SUMO2: variants seen among roughly 807,000 people sequenced by gnomAD.
SUMO2 encodes the protein small ubiquitin-related modifier 2.
SUMO2 carries 1 observed loss-of-function variant against 16.0 expected under a neutral mutation model. The ratio of observed to expected loss-of-function variants is 0.06; its 90% CI spans 0.02 to 0.30. The LOEUF is 0.30. Ranked by LOEUF, SUMO2 falls within the 10% of genes least tolerant of loss-of-function variation. The probability of loss-of-function intolerance (pLI) is 1.00; values close to 1 mark genes in which losing one functional copy is unlikely to be tolerated. For missense variants in SUMO2, 16 were observed against 117.5 expected (o/e 0.14, Z 3.99); for synonymous variants, 36 against 40.6 (o/e 0.89, Z 0.43).
intron 3 of SUMO2, among the ~76,000 whole-genome samples, chr17:75,168,919 G>C (rs2074713639): frequency 6.6e-6 from 1 of 151,840 alleles, no homozygotes; most frequent in African/African-American, 2.4e-5. Context: ...CTTAGTTTTT[G>C]AGTAAAAAGC....
chr17:75,170,416 A>G (rs2074728072), intron 3 of SUMO2, among the ~76,000 whole-genome samples: 1 of 149,570 alleles, frequency 6.7e-6, no homozygotes, highest in African/African-American at 2.5e-5. Flanking sequence ...CCAAAAATAC[A>G]AAAATTAGCT....
chr17:75,169,863 AGGT>A, intron 3 of SUMO2, among the ~76,000 whole-genome samples: 1 of 75,380 alleles, frequency 1.3e-5, no homozygotes, highest in South Asian at 4.4e-4. Context: ...AAAAAAAAAA[AGGT>A]GGGGGGGGGC....
At chr17:75,173,240 T>G (rs1028702467) in intron 3 of SUMO2, among the ~76,000 whole-genome samples, 1 of 152,050 alleles carries the variant, frequency 6.6e-6, no homozygotes, top group African/African-American at 2.4e-5. Context: ...CATAACTCAC[T>G]GCGGCCTGAA....
chr17:75,171,399 A>T (rs903450457), intron 3 of SUMO2, among the ~76,000 whole-genome samples: 3 of 151,886 alleles, frequency 2.0e-5, no homozygotes, highest in African/African-American at 7.3e-5. Context: ...CTGTAATCCC[A>T]GCTACTCGGG....
In SUMO2 at chr17:75,177,131, G is replaced by A. The variant is rs558545447; in HGVS notation, c.154-2308C>T. Among the ~76,000 whole-genome samples, 4 of 150,214 alleles carry A rather than the reference G, an allele frequency of 2.7e-5. No individual in the cohort carries two copies. In the East Asian group the frequency reaches 7.8e-4, roughly 29 times the overall value. ...GAACCCGGGAGGTGGAGGTTGCAAT[G>A]AGCCGAGATCGTGCCATTGCAAGAG... On this transcript the variant is annotated intron_variant, in intron 2 of 3. Transcript: ENST00000420826.
At position 75,166,037 on chromosome 17, in the gene SUMO2, AAAAC is replaced by A. The variant is rs1460915748; in HGVS notation, c.*2298_*2301del. The A allele has an allele frequency of 1.3e-5, 2 of 152,856 alleles. No individual in the cohort carries two copies. Among genetic ancestry groups the A allele is most frequent in the African/African-American group, 2.4e-5 (1 of 41,448 alleles). The allele number at this position is 152,856 out of a possible 1,614,324, so 9.5% of individuals were successfully genotyped here. A position where few individuals can be genotyped will look rare whatever the true frequency, so the allele number is the denominator to read the frequency against. On this transcript the variant is annotated 3_prime_UTR_variant, in exon 4 of 4. Coordinates refer to ENST00000420826, the MANE Select transcript of SUMO2 (RefSeq NM_006937.4). ...CAAGACTCCGTCTGAAAAAAAAACA[AAAAC>A]AAAAACAAAAACTGTAGTGGTTGGG...
intron 3 of SUMO2, among the ~76,000 whole-genome samples, chr17:75,173,783 G>T (rs2074760651): frequency 6.6e-6 from 1 of 152,146 alleles, no homozygotes; most frequent in African/African-American, 2.4e-5. Context: ...TGGCTCTCAT[G>T]AGCCACCCTG....
chr17:75,173,165 G>C (rs1325334437), intron 3 of SUMO2, among the ~76,000 whole-genome samples: 2 of 152,078 alleles, frequency 1.3e-5, no homozygotes, highest in African/African-American at 4.8e-5. Flanking sequence ...TTCAGAAACT[G>C]TAAGTCTTCT....
chr17:75,171,947 C>G (rs1443636092), intron 3 of SUMO2, among the ~76,000 whole-genome samples: 1 of 151,524 alleles, frequency 6.6e-6, no homozygotes, highest in Non-Finnish European at 1.5e-5. Flanking sequence ...AATGAGGTTC[C>G]TGTACCAGCC....
chr17:75,179,136 G>A (rs2074807013), intron 2 of SUMO2, among the ~76,000 whole-genome samples: 1 of 152,180 alleles, frequency 6.6e-6, no homozygotes, highest in African/African-American at 2.4e-5. Context: ...TCCTGAAGGG[G>A]CACTAGTGTT....
intron 3 of SUMO2, among the ~76,000 whole-genome samples, chr17:75,169,620 T>C (rs565004162): frequency 6.6e-6 from 1 of 152,112 alleles, no homozygotes; most frequent in African/African-American, 2.4e-5. Flanking sequence ...CCTGACCTCA[T>C]GATCCACCCT....
At chr17:75,180,526 A>G (rs2074821301) in intron 2 of SUMO2, among the ~76,000 whole-genome samples, 2 of 151,202 alleles carry the variant, frequency 1.3e-5, no homozygotes, top group South Asian at 4.2e-4. Context: ...CAGCCTAGCC[A>G]ATACGGTGAA....
Position 75,177,988 on chromosome 17 carries a change from C to CAAAAAAAAAAAAA in SUMO2, c.153+3056_153+3068dup, listed in dbSNP as rs59613076. Among the ~76,000 whole-genome samples, 68 of 66,412 alleles carry CAAAAAAAAAAAAA rather than the reference C, an allele frequency of 1.0e-3. 2 individuals carry two copies. The highest frequency in any genetic ancestry group is 4.1e-3 in the African/African-American group (61 of 14,796). 43.6% of individuals were successfully genotyped at this position (66,412 alleles called of 152,430 possible). A position where few individuals can be genotyped will look rare whatever the true frequency, so the allele number is the denominator to read the frequency against. Reference sequence around the variant, plus strand: ...TGACCGACAAAGCGAGACTCCGTCTCAAAAAAAAAAAAAAAAAAAAAAAGA... The same window carrying CAAAAAAAAAAAAA: ...TGACCGACAAAGCGAGACTCCGTCTCAAAAAAAAAAAAAAAAAAAAAAAAAAAAAAAAAAAAGA... On this transcript the variant is annotated intron_variant, in intron 2 of 3. Coordinates refer to ENST00000420826, the MANE Select transcript of SUMO2 (RefSeq NM_006937.4).
intron 3 of SUMO2, among the ~76,000 whole-genome samples, chr17:75,170,473 G>C (rs1322313855): frequency 6.6e-6 from 1 of 152,146 alleles, no homozygotes; most frequent in Non-Finnish European, 1.5e-5. Flanking sequence ...GGGAGGCTGA[G>C]GCAGGAGAAT....
chr17:75,172,310 G>A (rs2074746177), intron 3 of SUMO2, among the ~76,000 whole-genome samples: 2 of 142,906 alleles, frequency 1.4e-5, no homozygotes, highest in South Asian at 4.3e-4. Flanking sequence ...ACAGTCGTGA[G>A]CTACTGTACC....
At chr17:75,179,155 G>A (rs1219578627) in intron 2 of SUMO2, among the ~76,000 whole-genome samples, 1 of 152,150 alleles carries the variant, frequency 6.6e-6, no homozygotes, top group African/African-American at 2.4e-5. Context: ...TTCAAATATA[G>A]AAGATGCCAG....
chr17:75,168,223 G>A lies in SUMO2; in HGVS notation c.*116C>T, dbSNP rs8420. Reference sequence around the variant, plus strand: ...GGGAAGGGGGAAATGAAAGAATAGAGAAAACTATACGGTAGTAGTCAGGAT... The same window carrying A: ...GGGAAGGGGGAAATGAAAGAATAGAAAAAACTATACGGTAGTAGTCAGGAT... On this transcript the variant is annotated 3_prime_UTR_variant, in exon 4 of 4. Coordinates refer to ENST00000420826, the MANE Select transcript of SUMO2 (RefSeq NM_006937.4). The A allele has an allele frequency of 4.1e-6, 3 of 727,568 alleles. No individual in the cohort carries two copies. The highest frequency in any genetic ancestry group is 6.4e-6 in the Non-Finnish European group (3 of 467,898). The allele number at this position is 727,568 out of a possible 1,614,324, so 45.1% of individuals were successfully genotyped here.
At chr17:75,182,541 C>T (rs2074837545) in intron 1 of SUMO2, 3 of 268,744 alleles carry the variant, frequency 1.1e-5, no homozygotes, top group Admixed American at 5.4e-5. Context: ...GCTGGTGGGT[C>T]CGCGGGCGTC....
At chr17:75,180,413 A>AAC (rs1027111848) in intron 2 of SUMO2, among the ~76,000 whole-genome samples, 2 of 141,554 alleles carry the variant, frequency 1.4e-5, no homozygotes, top group Non-Finnish European at 3.2e-5. Flanking sequence ...AAAAAAAAAA[A>AAC]AAAAAAAACG....
Sources: gnomAD v4.1 joint callset for allele counts (sites outside exome capture counted in the v4.1 genomes callset) on GRCh38, gnomAD v4.1.1 for gene constraint, MANE v1.5 for transcripts, NCBI Gene and HGNC (gene_info 2026-07-23, HGNC 2026-07-21) for gene names.